Variants in RGS6 observed in about 807,000 individuals in gnomAD.
RGS6 encodes regulator of G protein signaling 6, also known as regulator of G-protein signaling 6.
Under a neutral mutation model 78.5 loss-of-function variants are expected in RGS6, and 30 were observed. That is an observed-to-expected ratio of 0.38 (90% CI 0.29 to 0.52). The LOEUF is 0.52. Ranked by LOEUF, RGS6 falls within the 20% of genes least tolerant of loss-of-function variation. RGS6 has a pLI of 0.85. For synonymous variants in RGS6, 206 were observed against 206.0 expected (o/e 1.00, Z 0.00); for missense variants, 495 against 609.7 (o/e 0.81, Z 1.98).
the RGS6 span, among the ~76,000 whole-genome samples, chr14:72,613,382 G>C: frequency 6.6e-6 from 1 of 152,200 alleles, no homozygotes; most frequent in African/African-American, 2.4e-5. Flanking sequence ...CTGTCCAAGA[G>C]GGTTCTGGCT....
At chr14:72,056,092 C>G (rs956269941) in intron 2 of RGS6, among the ~76,000 whole-genome samples, 1 of 152,198 alleles carries the variant, frequency 6.6e-6, no homozygotes, top group Admixed American at 6.5e-5. Flanking sequence ...TGTGTTCTAA[C>G]AAAGTGATTA....
At chr14:72,305,927 A>G (rs1304913860) in intron 2 of RGS6, among the ~76,000 whole-genome samples, 1 of 152,238 alleles carries the variant, frequency 6.6e-6, no homozygotes, top group Non-Finnish European at 1.5e-5. Flanking sequence ...AGGAAAAGTT[A>G]TTGAAGAAAA....
the RGS6 span, among the ~76,000 whole-genome samples, chr14:72,573,033 G>C: frequency 1.3e-5 from 2 of 152,160 alleles, no homozygotes; most frequent in East Asian, 3.9e-4. Context: ...CTTAGAGAAA[G>C]TGAGTGAAGG....
chr14:72,525,763 T>G (rs768263620), intron 15 of RGS6, among the ~76,000 whole-genome samples: 8 of 152,246 alleles, frequency 5.3e-5, no homozygotes, highest in Non-Finnish European at 1.2e-4. Flanking sequence ...TTCCTGGTAT[T>G]AATCCTCTAT....
At chr14:72,120,207 A>T (rs950286574) in intron 2 of RGS6, among the ~76,000 whole-genome samples, 4 of 152,240 alleles carry the variant, frequency 2.6e-5, no homozygotes, top group African/African-American at 9.6e-5. Flanking sequence ...ACTATTAAGG[A>T]ATGATAGATT....
At chr14:72,082,602 A>G (rs2094869499) in intron 2 of RGS6, among the ~76,000 whole-genome samples, 1 of 152,184 alleles carries the variant, frequency 6.6e-6, no homozygotes, top group Non-Finnish European at 1.5e-5. Context: ...CACAATTTAT[A>G]AAAGTATTGA....
chr14:72,579,222 A>G, the RGS6 span, among the ~76,000 whole-genome samples: 1 of 149,568 alleles, frequency 6.7e-6, no homozygotes, highest in Non-Finnish European at 1.5e-5. Context: ...GGAATCGGAG[A>G]ACAAGGCCAG....
In RGS6 at chr14:72,476,610, T is replaced by G. The variant is rs115245275; in HGVS notation, c.694-132T>G. The G allele has an allele frequency of 2.0e-3, 1,272 of 646,112 alleles. 10 individuals carry two copies. In the African/African-American group the frequency reaches 0.021, roughly 11 times the overall value. 40.0% of individuals were successfully genotyped at this position (646,112 alleles called of 1,614,324 possible). The stretch of plus-strand genomic sequence containing the variant: ...GGCAGCATTCTCATCATTGAAGAAA[T>G]AAAAGCAGAGACCAATCTCTTATTG... On this transcript the variant is annotated intron_variant, in intron 10 of 17. Transcript: ENST00000553525.
At chr14:72,627,997 T>C in the RGS6 span, among the ~76,000 whole-genome samples, 24 of 152,250 alleles carry the variant, frequency 1.6e-4, no homozygotes, top group Admixed American at 1.4e-3. Flanking sequence ...CCTTTTATGT[T>C]TGAGTTAGCT....
At chr14:72,265,544 G>T (rs1221253746) in intron 2 of RGS6, among the ~76,000 whole-genome samples, 1 of 152,140 alleles carries the variant, frequency 6.6e-6, no homozygotes. Flanking sequence ...TAGTGACGTT[G>T]CTAGAGGTAG....
At chr14:72,460,076 T>C (rs968369966) in intron 6 of RGS6, among the ~76,000 whole-genome samples, 2 of 152,194 alleles carry the variant, frequency 1.3e-5, no homozygotes, top group African/African-American at 4.8e-5. Flanking sequence ...CTTTCTGTTC[T>C]CATAGACTTG....
intron 3 of RGS6, among the ~76,000 whole-genome samples, chr14:72,363,803 G>T (rs1163168868): frequency 1.3e-5 from 2 of 151,908 alleles, no homozygotes; most frequent in African/African-American, 4.8e-5. Flanking sequence ...TAAAAATCTT[G>T]AAAAGATAGT....
intron 2 of RGS6, among the ~76,000 whole-genome samples, chr14:72,037,854 A>G (rs1361153260): frequency 6.6e-6 from 1 of 152,206 alleles, no homozygotes; most frequent in Non-Finnish European, 1.5e-5. Flanking sequence ...TGTGAGTTAT[A>G]CTTCAATTAA....
At chr14:72,196,086 A>AG (rs535728811) in intron 2 of RGS6, among the ~76,000 whole-genome samples, 2 of 151,980 alleles carry the variant, frequency 1.3e-5, no homozygotes, top group East Asian at 1.9e-4. Flanking sequence ...GAAATGGGGG[A>AG]GGGGGAGACT....
At chr14:71,877,317 A>C in the RGS6 span, among the ~76,000 whole-genome samples, 2 of 152,222 alleles carry the variant, frequency 1.3e-5, no homozygotes, top group Admixed American at 6.5e-5. Flanking sequence ...TACACCAATC[A>C]GACGAAGATT....
chr14:72,548,348 C>CGT (rs59943776), intron 17 of RGS6, among the ~76,000 whole-genome samples: 6,818 of 129,500 alleles, frequency 0.053, 269 homozygotes, highest in East Asian at 0.31. Flanking sequence ...TGTGTGCGCG[C>CGT]GTGTGTGTGT....
chr14:72,059,799 C>T (rs371914715), intron 2 of RGS6, among the ~76,000 whole-genome samples: 14 of 152,044 alleles, frequency 9.2e-5, no homozygotes, highest in Non-Finnish European at 1.5e-4. Flanking sequence ...TGTAAGGACT[C>T]GGCAGAAAGG....
chr14:71,926,543 C>T, the RGS6 span, among the ~76,000 whole-genome samples: 1 of 142,778 alleles, frequency 7.0e-6, no homozygotes, highest in African/African-American at 2.6e-5. Context: ...AAGATAGCGC[C>T]ATTGCACTCC....
chr14:72,138,449 G>GGT (rs2096483390), intron 2 of RGS6, among the ~76,000 whole-genome samples: 1 of 86,648 alleles, frequency 1.2e-5, no homozygotes, highest in African/African-American at 4.5e-5. Context: ...ACCTGTACCT[G>GGT]TTTTTTTTTT....
Sources: allele counts gnomAD v4.1 joint callset (sites outside exome capture counted in the v4.1 genomes callset), GRCh38; gene constraint gnomAD v4.1.1; transcripts MANE v1.5; gene names NCBI Gene and HGNC (gene_info 2026-07-23, HGNC 2026-07-21).